The following NUBPL variants were observed in gnomAD, a reference collection of about 807,000 sequenced individuals.
NUBPL encodes the protein NUBP iron-sulfur cluster assembly factor, mitochondrial.
In NUBPL, 31 loss-of-function variants were observed where a neutral mutation model predicts 45.7. That is an observed-to-expected ratio of 0.68 (90% CI 0.51 to 0.92). NUBPL has a LOEUF of 0.92. Ranked by LOEUF, NUBPL falls within the 40% of genes least tolerant of loss-of-function variation. NUBPL has a pLI of 0.00. For missense variants in NUBPL, 401 were observed against 398.7 expected, an observed-to-expected ratio of 1.01 and a Z score of -0.05; for synonymous variants, 144 against 140.9, an observed-to-expected ratio of 1.02 and a Z score of -0.15.
intron 3 of NUBPL, among the ~76,000 whole-genome samples, chr14:31,582,560 T>C (rs544175165): frequency 3.4e-4 from 52 of 152,256 alleles, no homozygotes; most frequent in African/African-American, 1.1e-3. Flanking sequence ...GGAGTAGAAC[T>C]TTCCCTAGAC....
intron 6 of NUBPL, among the ~76,000 whole-genome samples, chr14:31,715,347 G>A (rs922675831): frequency 1.3e-5 from 2 of 152,122 alleles, no homozygotes; most frequent in East Asian, 1.9e-4. Context: ...CTAAGGTCAT[G>A]TACAGTCATG....
chr14:31,844,852 T>G (rs1218277651), intron 8 of NUBPL: 1 of 152,218 alleles, frequency 6.6e-6, no homozygotes, highest in Admixed American at 6.5e-5. Flanking sequence ...ATTTTTATTC[T>G]AGAAGAGAGC....
intron 6 of NUBPL, among the ~76,000 whole-genome samples, chr14:31,770,617 C>G (rs2038992308): frequency 6.6e-6 from 1 of 152,174 alleles, no homozygotes; most frequent in Non-Finnish European, 1.5e-5. Flanking sequence ...TAGCTGAATT[C>G]TACCCCTTTC....
intron 4 of NUBPL, among the ~76,000 whole-genome samples, chr14:31,665,191 A>AT (rs1315501750): frequency 6.6e-6 from 1 of 151,920 alleles, no homozygotes; most frequent in African/African-American, 2.4e-5. Flanking sequence ...GGATTCATTG[A>AT]TTTTTTGAAG....
At chr14:31,828,629 C>T (rs149425840) in intron 8 of NUBPL, among the ~76,000 whole-genome samples, 130 of 152,224 alleles carry the variant, frequency 8.5e-4, no homozygotes, top group African/African-American at 3.0e-3. Flanking sequence ...TTTTATATAT[C>T]AAAATACCAT....
At chr14:31,779,857 C>A (rs1430326566) in intron 6 of NUBPL, among the ~76,000 whole-genome samples, 1 of 152,132 alleles carries the variant, frequency 6.6e-6, no homozygotes, top group Admixed American at 6.6e-5. Flanking sequence ...GCTGGGAAGC[C>A]AAACCGAGGC....
chr14:31,589,748 C>G (rs1458284053), intron 3 of NUBPL, among the ~76,000 whole-genome samples: 3 of 152,108 alleles, frequency 2.0e-5, no homozygotes, highest in Non-Finnish European at 2.9e-5. Context: ...CCAACCCCTG[C>G]CATATTTTCT....
chr14:31,840,606 C>T (rs2040355411), intron 8 of NUBPL, among the ~76,000 whole-genome samples: 1 of 145,940 alleles, frequency 6.9e-6, no homozygotes, highest in Non-Finnish European at 1.5e-5. Context: ...AGAAAGAAAT[C>T]CTGTAATAAC....
chr14:31,610,608 C>CAAAAAAAAAAAAAAAAAAA (rs775656176), intron 4 of NUBPL, among the ~76,000 whole-genome samples: 94 of 94,642 alleles, frequency 9.9e-4, no homozygotes, highest in African/African-American at 1.9e-3. Flanking sequence ...AAAGATACAT[C>CAAAAAAAAAAAAAAAAAAA]AAAAAAAAAA....
chr14:31,723,553 A>G (rs1292921776), intron 6 of NUBPL, among the ~76,000 whole-genome samples: 1 of 152,162 alleles, frequency 6.6e-6, no homozygotes, highest in African/African-American at 2.4e-5. Context: ...TTTAAATGAT[A>G]TTGATTCTTC....
intron 6 of NUBPL, among the ~76,000 whole-genome samples, chr14:31,763,471 C>T (rs1327075195): frequency 1.3e-5 from 2 of 151,916 alleles, no homozygotes; most frequent in Non-Finnish European, 2.9e-5. Flanking sequence ...CTTTTTTTCC[C>T]CTTATGTGTT....
intron 6 of NUBPL, among the ~76,000 whole-genome samples, chr14:31,784,106 CA>C (rs1213174237): frequency 6.6e-6 from 1 of 152,108 alleles, no homozygotes; most frequent in Non-Finnish European, 1.5e-5. Context: ...ATCCAGGAAA[CA>C]CAGACTCCAG....
chr14:31,854,008 A>G (rs550265830), intron 10 of NUBPL, among the ~76,000 whole-genome samples: 29 of 152,340 alleles, frequency 1.9e-4, no homozygotes, highest in South Asian at 4.1e-4. Context: ...AATATTAGCT[A>G]CAGAAAGATG....
chr14:31,777,153 G>A (rs1360017376), intron 6 of NUBPL, among the ~76,000 whole-genome samples: 2 of 152,150 alleles, frequency 1.3e-5, no homozygotes, highest in East Asian at 1.9e-4. Context: ...AAGAGTATGT[G>A]TATAACTTGT....
intron 6 of NUBPL, among the ~76,000 whole-genome samples, chr14:31,706,677 T>C (rs1430080535): frequency 3.3e-5 from 5 of 152,276 alleles, no homozygotes; most frequent in African/African-American, 1.2e-4. Context: ...TAGGCCTTGG[T>C]GGTTTTGGAG....
intron 4 of NUBPL, among the ~76,000 whole-genome samples, chr14:31,636,647 A>T (rs1458011784): frequency 6.6e-6 from 1 of 152,196 alleles, no homozygotes; most frequent in Non-Finnish European, 1.5e-5. Context: ...ATTGATTGGA[A>T]TAGTTTCAGA....
At chr14:31,788,000 A>AT in intron 7 of NUBPL, 127 bp downstream of exon 7, 1 of 661,070 alleles carries the variant, frequency 1.5e-6, no homozygotes, top group Non-Finnish European at 2.7e-6. Context: ...TAAATTTTTC[A>AT]TTAGAGATCA....
chr14:31,854,466 A>G (rs2040586719), intron 10 of NUBPL, among the ~76,000 whole-genome samples: 2 of 152,224 alleles, frequency 1.3e-5, no homozygotes, highest in Admixed American at 6.5e-5. Flanking sequence ...ACAGTGCCCA[A>G]AGGACATGTT....
At chr14:31,634,599 T>C (rs1029523099) in intron 4 of NUBPL, among the ~76,000 whole-genome samples, 20 of 152,244 alleles carry the variant, frequency 1.3e-4, no homozygotes, top group Non-Finnish European at 2.8e-4. Context: ...TTTGGGTATA[T>C]ACCCAGTAAT....
Sources: gnomAD v4.1 joint callset for allele counts (sites outside exome capture counted in the v4.1 genomes callset) on GRCh38, gnomAD v4.1.1 for gene constraint, MANE v1.5 for transcripts, NCBI Gene and HGNC (gene_info 2026-07-23, HGNC 2026-07-21) for gene names.